Variants in MYH15 observed in about 807,000 individuals in gnomAD.
MYH15 encodes the protein myosin-15.
Under a neutral mutation model 240.5 loss-of-function variants are expected in MYH15, and 227 were observed. The observed-to-expected ratio is 0.94, with a 90% CI of 0.85 to 1.05. The LOEUF (loss-of-function observed/expected upper bound fraction) is 1.05, where lower values mean the gene tolerates loss of function less well. Among genes scored for constraint, MYH15 ranks in the 50% least tolerant of loss-of-function variants. The pLI is 0.00. For missense variants in MYH15, 2,217 were observed against 2,247.5 expected (o/e 0.99, Z 0.27); for synonymous variants, 785 against 796.7 (o/e 0.99, Z 0.25).
At chr3:108,513,352 A>G (rs2107257284), upstream of MYH15, among the ~76,000 whole-genome samples, 1 of 152,326 alleles carries the variant, frequency 6.6e-6, no homozygotes, top group Non-Finnish European at 1.5e-5. Context: ...GATACTGCAT[A>G]TATTTACAAG....
Position 108,478,736 on chromosome 3 carries a change from G to C in MYH15, c.1115-2221C>G, listed in dbSNP as rs534678160. Among the ~76,000 whole-genome samples, 16 of 152,020 alleles carry C rather than the reference G, an allele frequency of 1.1e-4. 1 individual carries two copies. The highest frequency in any genetic ancestry group is 7.2e-4 in the Admixed American group (11 of 15,256). ...TCTAAGCTTTGGAAGCATGAAGAGA[G>C]ATAATACAGGTAATAATAGTCTCAA... On this transcript the variant is annotated intron_variant, in intron 11 of 40. Transcript: ENST00000693548.
chr3:108,410,612 GT>G lies in MYH15; in HGVS notation c.4465del (p.Thr1489HisfsTer16). Reference protein sequence around the residue: ...TYEESIVGQETLRRENKNLQE... With the variant: ...TYEESIVGQEXLRRENKNLQE... Reference sequence around the variant, plus strand: ...GAGGTTCTTGTTCTCCCTCCTGAGTGTCTCCTGGCCCACGATGCTCTCCTCA... The same window carrying G: ...GAGGTTCTTGTTCTCCCTCCTGAGTGCTCCTGGCCCACGATGCTCTCCTCA... On this transcript the variant is annotated frameshift_variant, in exon 31 of 41. Coordinates refer to ENST00000693548, the MANE Select transcript of MYH15 (RefSeq NM_014981.3). LOFTEE classifies it high-confidence loss of function. 1 of 1,599,684 alleles carries G rather than the reference GT, an allele frequency of 6.3e-7. No homozygotes were observed. Among genetic ancestry groups the G allele is most frequent in the Non-Finnish European group, 8.6e-7 (1 of 1,168,332 alleles).
At chr3:108,424,987 A>C (rs2082714781) in intron 27 of MYH15, among the ~76,000 whole-genome samples, 1 of 152,218 alleles carries the variant, frequency 6.6e-6, no homozygotes, top group African/African-American at 2.4e-5. Flanking sequence ...GACTCTACAA[A>C]GCACTGTAGT....
At chr3:108,510,721 T>C, upstream of MYH15, 2 of 828,548 alleles carry the variant, frequency 2.4e-6, no homozygotes, top group South Asian at 4.4e-5. Context: ...TTCTTTCTCT[T>C]CGCTATGTCT....
rs2083000250 is a variant in MYH15 at position 108,454,200 on chromosome 3, T to C, written c.2263-58A>G. On this transcript the variant is annotated intron_variant, in intron 20 of 40. Transcript: ENST00000693548. ...TAATGGGTATTCAGCAAATGTTTAT[T>C]AAATGATCCTGTGAGCAACTGTTGT... The C allele has an allele frequency of 2.7e-6, 4 of 1,478,694 alleles. No homozygotes were observed. The South Asian group carries it at 5.4e-5, about 20-fold the overall frequency. The allele number at this position is 1,478,694 out of a possible 1,614,324, so 91.6% of individuals were successfully genotyped here. A position where few individuals can be genotyped will look rare whatever the true frequency, so the allele number is the denominator to read the frequency against.
At chr3:108,474,132 T>C (rs1423910504) in intron 12 of MYH15, among the ~76,000 whole-genome samples, 4 of 152,148 alleles carry the variant, frequency 2.6e-5, no homozygotes, top group Middle Eastern at 3.2e-3. Flanking sequence ...CAAAAATTTT[T>C]CCCATCTTTT....
At position 108,492,588 on chromosome 3, in the gene MYH15, A is replaced by C. The variant is rs200766955; in HGVS notation, c.783T>G (p.Leu261=). 1 of 1,611,500 alleles carries C rather than the reference A, an allele frequency of 6.2e-7. No homozygotes were observed. Among genetic ancestry groups the C allele is most frequent in the East Asian group, 2.2e-5 (1 of 44,836 alleles). ...LSSVDIDIYL[L]EKSRVIFQQA... ...GCTGGAAAATCACCCTGGACTTTTC[A>C]AGCAAATCTGGATGATGAGAAATGA... Residue 261 remains leucine (L), a synonymous_variant, in exon 9 of 41, where the codon CTT becomes CTG. Transcript: ENST00000693548.
At chr3:108,545,388 C>T in the MYH15 span, among the ~76,000 whole-genome samples, 4 of 152,130 alleles carry the variant, frequency 2.6e-5, no homozygotes, top group Non-Finnish European at 5.9e-5. Context: ...GGACATAAAA[C>T]TTTTTACTTC....
intron 31 of MYH15, among the ~76,000 whole-genome samples, chr3:108,410,167 T>C (rs1387339537): frequency 1.3e-5 from 2 of 152,130 alleles, no homozygotes; most frequent in African/African-American, 4.8e-5. Flanking sequence ...TAACAATAAA[T>C]AGTTAAACAG....
chr3:108,410,465 A>C, intron 31 of MYH15, 118 bp downstream of exon 31: 1 of 634,378 alleles, frequency 1.6e-6, no homozygotes, highest in East Asian at 2.8e-5. Flanking sequence ...AGAAGTATAA[A>C]AATTGAAAAG....
chr3:108,433,807 T>C (rs2082801996), intron 25 of MYH15, among the ~76,000 whole-genome samples: 1 of 152,182 alleles, frequency 6.6e-6, no homozygotes, highest in African/African-American at 2.4e-5. Flanking sequence ...TAAACCCTTT[T>C]TCCTGTATAA....
rs2082334118 is a variant in MYH15 at position 108,380,455 on chromosome 3, A to C, written c.*1090T>G. On this transcript the variant is annotated 3_prime_UTR_variant, in exon 41 of 41. Coordinates refer to ENST00000693548, the MANE Select transcript of MYH15 (RefSeq NM_014981.3). ...GTCTAGGCCAGGCTGTTCCCTCTGC[A>C]TCTGGTTCTGGGCCTGAAGTCACTG... 1.3e-5 allele frequency: 2 copies of C among 152,448 alleles called. No individual in the cohort carries two copies. The highest frequency in any genetic ancestry group is 1.3e-4 in the Admixed American group (2 of 15,282). 9.4% of individuals were successfully genotyped at this position (152,448 alleles called of 1,614,324 possible).
At chr3:108,391,692 T>C in intron 37 of MYH15, 68 bp downstream of exon 37, 2 of 1,501,124 alleles carry the variant, frequency 1.3e-6, no homozygotes, top group Non-Finnish European at 9.0e-7. Flanking sequence ...AGATCTAGTG[T>C]CACATTCCAG....
At chr3:108,501,167 T>C (rs991857140) in intron 3 of MYH15, among the ~76,000 whole-genome samples, 5 of 152,202 alleles carry the variant, frequency 3.3e-5, no homozygotes, top group Admixed American at 6.5e-5. Flanking sequence ...ATGGCTCCTA[T>C]GGCCATGGGT....
intron 25 of MYH15, among the ~76,000 whole-genome samples, chr3:108,433,751 G>T (rs1377761563): frequency 6.6e-6 from 1 of 152,120 alleles, no homozygotes; most frequent in Non-Finnish European, 1.5e-5. Flanking sequence ...CTTGTCTTCT[G>T]CCATGACTGT....
At chr3:108,513,998 T>C (rs1338997803), upstream of MYH15, among the ~76,000 whole-genome samples, 11 of 152,188 alleles carry the variant, frequency 7.2e-5, no homozygotes, top group Non-Finnish European at 2.9e-5. Context: ...TTTCCAGGTG[T>C]ATCTTAGTTA....
Position 108,430,880 on chromosome 3 carries a change from A to C in MYH15, c.3264T>G (p.Asn1088Lys). Reference sequence around the variant, plus strand: ...GAAGCTGAGCTACCAGGCCTTTCTCATTCTCCACTTTTGAATTCATCTGAC... The same window carrying C: ...GAAGCTGAGCTACCAGGCCTTTCTCCTTCTCCACTTTTGAATTCATCTGAC... Reference protein sequence around the residue: ...ELSQMNSKVENEKGLVAQLQK... With the variant: ...ELSQMNSKVEKEKGLVAQLQK... Residue 1088 changes from asparagine (N) to lysine (K), a missense_variant, in exon 26 of 41, where the codon AAT (asparagine) becomes AAG (lysine). By Grantham distance (94) the Asn-to-Lys change is moderately conservative (BLOSUM62 0). Transcript: ENST00000693548. 6.2e-7 allele frequency: 1 copy of C among 1,612,646 alleles called. No individual in the cohort carries two copies. Among genetic ancestry groups the C allele is most frequent in the Non-Finnish European group, 8.5e-7 (1 of 1,179,766 alleles).
the MYH15 span, among the ~76,000 whole-genome samples, chr3:108,549,535 T>G: frequency 6.6e-6 from 1 of 152,180 alleles, no homozygotes; most frequent in Admixed American, 6.5e-5. Context: ...ATATAGATCT[T>G]TAAGAAAAGG....
At chr3:108,505,569 G>A (rs998142456) in intron 2 of MYH15, among the ~76,000 whole-genome samples, 154 bp downstream of exon 2, 8 of 152,096 alleles carry the variant, frequency 5.3e-5, no homozygotes, top group Non-Finnish European at 1.0e-4. Context: ...TGTGCCCACT[G>A]ACTTAAGGAG....
Sources: gnomAD v4.1 joint callset for allele counts (sites outside exome capture counted in the v4.1 genomes callset) on GRCh38, gnomAD v4.1.1 for gene constraint, MANE v1.5 for transcripts, NCBI Gene and HGNC (gene_info 2026-07-23, HGNC 2026-07-21) for gene names.